The following ANKRD30B variants were observed in gnomAD, a reference collection of about 807,000 sequenced individuals.
ANKRD30B encodes ankyrin repeat domain-containing protein 30B.
ANKRD30B carries 144 observed loss-of-function variants against 202.2 expected under a neutral mutation model. The observed-to-expected ratio is 0.71, with a 90% CI of 0.62 to 0.82. The LOEUF (loss-of-function observed/expected upper bound fraction) is 0.82, where lower values mean the gene tolerates loss of function less well. ANKRD30B is among the 40% of genes least tolerant of loss of function. The pLI is 0.00. For synonymous variants in ANKRD30B, 508 were observed against 561.3 expected (o/e 0.91, Z 1.34); for missense variants, 1,487 against 1,669.1 (o/e 0.89, Z 1.90).
rs1213164522 is a variant in ANKRD30B at position 14,796,255 on chromosome 18, A to T, written c.1854+6A>T. The T allele has an allele frequency of 1.9e-6, 3 of 1,606,038 alleles. No homozygotes were observed. The highest frequency in any genetic ancestry group is 2.2e-5 in the East Asian group (1 of 44,738). On this transcript the variant is annotated splice_donor_region_variant and intron_variant, in intron 17 of 43. Transcript: ENST00000690538. ...TTAAAGATGGTCTTCTGAAGGTAAT[A>T]ACTTTTATATTGCTATCTTGAATAC...
the ANKRD30B span, among the ~76,000 whole-genome samples, chr18:14,940,114 C>T: frequency 3.9e-5 from 6 of 152,236 alleles, no homozygotes; most frequent in Middle Eastern, 3.4e-3. Flanking sequence ...AATAGGGGTA[C>T]GTATGTCTCA....
At chr18:14,913,326 T>C in the ANKRD30B span, among the ~76,000 whole-genome samples, 9 of 152,152 alleles carry the variant, frequency 5.9e-5, no homozygotes, top group Admixed American at 6.5e-5. Flanking sequence ...CAGCCATCTG[T>C]GCACCTAAGG....
chr18:14,931,227 T>A, the ANKRD30B span, among the ~76,000 whole-genome samples: 2 of 152,192 alleles, frequency 1.3e-5, no homozygotes, highest in Non-Finnish European at 2.9e-5. Flanking sequence ...GGAAGAGACT[T>A]TAGAGGCTCT....
At chr18:14,889,357 A>G in the ANKRD30B span, among the ~76,000 whole-genome samples, 6 of 152,258 alleles carry the variant, frequency 3.9e-5, no homozygotes, top group Non-Finnish European at 7.4e-5. Context: ...TGGAAGATAC[A>G]AGGTTAATTT....
At position 14,826,727 on chromosome 18, in the gene ANKRD30B, A is replaced by AC. The variant is rs1472785630; in HGVS notation, c.2744-1551_2744-1550insC. Among the ~76,000 whole-genome samples the AC allele has an allele frequency of 5.6e-3, 832 of 148,552 alleles. 3 individuals carry two copies. Among genetic ancestry groups the AC allele is most frequent in the South Asian group, 0.016 (71 of 4,544 alleles). ...CACACACACACACACACACACACAC[A>AC]AGTACAGTAATTCATCCTTATCCAA... On this transcript the variant is annotated intron_variant, in intron 32 of 43. Coordinates refer to ENST00000690538, the MANE Select transcript of ANKRD30B (RefSeq NM_001367607.2).
chr18:14,852,963 G>T (rs1278131431), intron 42 of ANKRD30B, among the ~76,000 whole-genome samples: 6 of 151,954 alleles, frequency 3.9e-5, no homozygotes, highest in Non-Finnish European at 8.8e-5. Context: ...ATGTCAATTT[G>T]ACTTAATCTG....
rs1366474428 is a variant in ANKRD30B, at chr18:14,808,743, A to T, written c.2385A>T (p.Ala795=). ...LELKDRETLK[A]ESPDKDGLLK... ...TAAAGGACAGAGAAACACTCAAAGC[A>T]GGTAAATTTTGTAATTTAAATTTTA... The change falls in exon 26 of 44, where the codon GCA becomes GCT. Residue 795 remains alanine, a splice_region_variant and synonymous_variant. Transcript: ENST00000690538. The T allele has an allele frequency of 1.4e-6, 2 of 1,464,336 alleles. No homozygotes were observed. Among genetic ancestry groups the T allele is most frequent in the East Asian group, 2.5e-5 (1 of 40,524 alleles). The allele number at this position is 1,464,336 out of a possible 1,614,324, so 90.7% of individuals were successfully genotyped here.
intron 15 of ANKRD30B, among the ~76,000 whole-genome samples, chr18:14,788,478 T>C (rs1383996481): frequency 2.0e-5 from 3 of 152,136 alleles, no homozygotes; most frequent in Non-Finnish European, 4.4e-5. Flanking sequence ...TGAGCCATGC[T>C]GGTGTGCTCC....
In ANKRD30B at chr18:14,748,568, A is replaced by G. The variant is rs1157665685; in HGVS notation, c.149A>G (p.Gln50Arg). The change falls in exon 1 of 44, where the codon CAA (glutamine) becomes CGA (arginine). Residue 50 changes from glutamine to arginine, a missense_variant. Transcript: ENST00000690538. Reference sequence around the variant, plus strand: ...ATCCATACAGCTGCCTCCCGGGGCCAAGTCCAGAAGCTGGAGAAGATGACA... The same window carrying G: ...ATCCATACAGCTGCCTCCCGGGGCCGAGTCCAGAAGCTGGAGAAGATGACA... ...GKIHTAASRG[Q>R]VQKLEKMTVG... 2 of 1,561,786 alleles carry G rather than the reference A, an allele frequency of 1.3e-6. No homozygotes were observed. The highest frequency in any genetic ancestry group is 2.7e-5 in the African/African-American group (2 of 73,572).
chr18:14,882,820 T>C, the ANKRD30B span, among the ~76,000 whole-genome samples: 3 of 152,126 alleles, frequency 2.0e-5, no homozygotes, highest in South Asian at 2.1e-4. Context: ...AGGATTGTCA[T>C]ATTTTTCTGT....
intron 10 of ANKRD30B, 32 bp from the exon 11 acceptor site, chr18:14,779,928 C>T: frequency 1.4e-6 from 2 of 1,452,202 alleles, no homozygotes; most frequent in Admixed American, 1.8e-5. Flanking sequence ...AAGGAATGCT[C>T]TCATGAATGT....
downstream of ANKRD30B, among the ~76,000 whole-genome samples, chr18:14,856,506 G>A (rs1598730033): frequency 7.1e-6 from 1 of 140,042 alleles, no homozygotes; most frequent in African/African-American, 2.6e-5. Context: ...GGGCGGCTGG[G>A]GAGAGGTGCT....
chr18:14,883,369 G>GTCTGTCTCTCTCTC, the ANKRD30B span, among the ~76,000 whole-genome samples: 4 of 84,614 alleles, frequency 4.7e-5, no homozygotes, highest in African/African-American at 2.3e-4. Flanking sequence ...CTGTCTGTCT[G>GTCTGTCTCTCTCTC]TCTCTCTCTC....
intron 5 of ANKRD30B, 47 bp downstream of exon 5, chr18:14,757,999 C>G (rs770149602): frequency 1.3e-6 from 2 of 1,528,602 alleles, no homozygotes; most frequent in Non-Finnish European, 8.8e-7. Context: ...TTGTTTGTTT[C>G]AGGGAGTTTT....
chr18:14,792,140 C>T (rs746214179), intron 16 of ANKRD30B, among the ~76,000 whole-genome samples: 1 of 152,134 alleles, frequency 6.6e-6, no homozygotes, highest in Non-Finnish European at 1.5e-5. Context: ...CGTCTGAAAA[C>T]CTTGTTAACA....
downstream of ANKRD30B, among the ~76,000 whole-genome samples, chr18:14,856,352 C>G (rs1298743328): frequency 3.9e-5 from 5 of 129,304 alleles, no homozygotes; most frequent in East Asian, 1.1e-3. Context: ...GATGGGGCAG[C>G]CGGGCAGAGG....
At chr18:14,806,319 A>C (rs770924500) in intron 24 of ANKRD30B, among the ~76,000 whole-genome samples, 1 of 151,020 alleles carries the variant, frequency 6.6e-6, no homozygotes, top group African/African-American at 2.4e-5. Context: ...TAATAATTAC[A>C]GATGTCAGCA....
chr18:14,834,067 G>A (rs2487248), intron 34 of ANKRD30B, among the ~76,000 whole-genome samples: 1 of 151,864 alleles, frequency 6.6e-6, no homozygotes, highest in Non-Finnish European at 1.5e-5. Context: ...GAATTTATAC[G>A]ATTATTTATT....
At chr18:14,776,653 T>A (rs1201964368) in intron 9 of ANKRD30B, among the ~76,000 whole-genome samples, 5 of 152,228 alleles carry the variant, frequency 3.3e-5, no homozygotes, top group Non-Finnish European at 5.9e-5. Flanking sequence ...CAAATATGTG[T>A]CTGGCATATG....
Sources: gnomAD v4.1 joint callset for allele counts (sites outside exome capture counted in the v4.1 genomes callset) on GRCh38, gnomAD v4.1.1 for gene constraint, MANE v1.5 for transcripts, NCBI Gene and HGNC (gene_info 2026-07-23, HGNC 2026-07-21) for gene names.